SOX6: variants seen among roughly 807,000 people sequenced by gnomAD.
SOX6 encodes SRY-box transcription factor 6, also known as transcription factor SOX-6.
SOX6 carries 11 observed loss-of-function variants against 97.8 expected under a neutral mutation model. The observed-to-expected ratio is 0.11, with a 90% confidence interval of 0.07 to 0.19. The LOEUF is 0.19. Ranked by LOEUF, SOX6 falls within the 10% of genes least tolerant of loss-of-function variation. SOX6 has a pLI of 1.00. For missense variants in SOX6, 810 were observed against 1,039.5 expected (o/e 0.78, Z 3.04); for synonymous variants, 360 against 371.4 (o/e 0.97, Z 0.35).
At chr11:16,128,922 G>A (rs10832550) in intron 6 of SOX6, among the ~76,000 whole-genome samples, 36 of 151,980 alleles carry the variant, frequency 2.4e-4, no homozygotes, top group South Asian at 2.1e-3. Context: ...GTGCAATAGC[G>A]CAATCTCGGC....
At chr11:16,566,440 T>C (rs535751358) in intron 4 of SOX6, among the ~76,000 whole-genome samples, 1 of 152,336 alleles carries the variant, frequency 6.6e-6, no homozygotes, top group East Asian at 1.9e-4. Flanking sequence ...CAATACCATG[T>C]AGTATTGAAA....
chr11:16,424,778 G>A (rs1273501386), intron 1 of SOX6, among the ~76,000 whole-genome samples: 10 of 152,310 alleles, frequency 6.6e-5, no homozygotes, highest in Admixed American at 2.0e-4. Flanking sequence ...CTCTGAACCA[G>A]TAACTCAAGA....
intron 11 of SOX6, among the ~76,000 whole-genome samples, chr11:16,049,534 T>G (rs1484858038): frequency 6.6e-6 from 1 of 152,178 alleles, no homozygotes; most frequent in Admixed American, 6.5e-5. Flanking sequence ...TCGAACTCAT[T>G]ATCATCTAAA....
At chr11:16,534,285 C>A (rs1309116763) in intron 4 of SOX6, among the ~76,000 whole-genome samples, 1 of 152,066 alleles carries the variant, frequency 6.6e-6, no homozygotes, top group Non-Finnish European at 1.5e-5. Flanking sequence ...ACCTTGAAAA[C>A]TTTAAAAACC....
intron 6 of SOX6, among the ~76,000 whole-genome samples, chr11:16,119,175 C>T (rs1452322035): frequency 2.6e-5 from 4 of 152,048 alleles, no homozygotes; most frequent in African/African-American, 9.7e-5. Context: ...AATGAAGTCC[C>T]CAGAAAACTT....
At chr11:16,729,813 T>C (rs1386180588) in intron 2 of SOX6, among the ~76,000 whole-genome samples, 2 of 151,998 alleles carry the variant, frequency 1.3e-5, no homozygotes, top group African/African-American at 4.8e-5. Context: ...CCCACCTGTA[T>C]TCAGGAGACC....
chr11:16,617,201 A>C (rs1382110030), intron 3 of SOX6, among the ~76,000 whole-genome samples: 2 of 151,866 alleles, frequency 1.3e-5, no homozygotes, highest in Non-Finnish European at 3.0e-5. Context: ...GTTTGAACAT[A>C]TTATGTTTAA....
At chr11:16,536,449 G>A (rs12418604) in intron 4 of SOX6, among the ~76,000 whole-genome samples, 28,309 of 152,164 alleles carry the variant, frequency 0.19, 3,062 homozygotes, top group East Asian at 0.37. Context: ...CACTGGGACT[G>A]GTTGGACAGT....
intron 2 of SOX6, among the ~76,000 whole-genome samples, chr11:16,726,531 A>G (rs577465534): frequency 6.6e-6 from 1 of 152,382 alleles, no homozygotes; most frequent in East Asian, 1.9e-4. Context: ...ATTTTACCTC[A>G]GTAAAGCTAT....
intron 13 of SOX6, among the ~76,000 whole-genome samples, chr11:16,012,031 C>CTTTGTTTGTTTGTTTGTTTGCTTT (rs1415093106): frequency 5.5e-4 from 84 of 152,182 alleles, no homozygotes; most frequent in African/African-American, 1.9e-3. Flanking sequence ...CTCTGCTTTG[C>CTTTGTTTGTTTGTTTGTTTGCTTT]TGCCCATCGT....
intron 4 of SOX6, among the ~76,000 whole-genome samples, chr11:16,496,141 C>A (rs1860591395): frequency 6.6e-6 from 1 of 151,812 alleles, no homozygotes; most frequent in East Asian, 1.9e-4. Flanking sequence ...ACCAGATGTG[C>A]AGATATCAAT....
chr11:16,158,784 T>C lies in SOX6; in HGVS notation c.777+25102A>G, dbSNP rs73418928. 6.4e-3 allele frequency among the ~76,000 whole-genome samples: 980 copies of C among 152,104 alleles called. 11 individuals are homozygous for C. The highest frequency in any genetic ancestry group is 0.022 in the African/African-American group (918 of 41,526). On this transcript the variant is annotated intron_variant, in intron 6 of 15. Coordinates refer to ENST00000683767, the MANE Select transcript of SOX6 (RefSeq NM_001367873.1). ...CATTATTATTATGACTACACACTTT[T>C]TCAATTTATATTTGCCAAAGTATTT...
At chr11:16,664,098 A>AAAAAC (rs535135997) in intron 3 of SOX6, among the ~76,000 whole-genome samples, 53 of 152,118 alleles carry the variant, frequency 3.5e-4, no homozygotes, top group African/African-American at 1.3e-3. Flanking sequence ...CCTCATCTCT[A>AAAAAC]AAAACAAAAC....
chr11:16,089,761 T>C (rs1848644536), intron 9 of SOX6, among the ~76,000 whole-genome samples: 1 of 152,050 alleles, frequency 6.6e-6, no homozygotes, highest in African/African-American at 2.4e-5. Context: ...TTAATTAAAA[T>C]ATCGTAAAAA....
intron 4 of SOX6, among the ~76,000 whole-genome samples, chr11:16,503,513 A>C (rs1194801667): frequency 6.6e-6 from 1 of 152,108 alleles, no homozygotes; most frequent in Non-Finnish European, 1.5e-5. Context: ...AATGAATACA[A>C]AATATAGCCC....
At chr11:16,117,711 T>C (rs1849387928) in intron 6 of SOX6, among the ~76,000 whole-genome samples, 1 of 152,146 alleles carries the variant, frequency 6.6e-6, no homozygotes, top group Non-Finnish European at 1.5e-5. Context: ...TGCCAGTGCT[T>C]AGGGCAGATG....
intron 3 of SOX6, among the ~76,000 whole-genome samples, chr11:16,648,870 A>C (rs1299141848): frequency 6.6e-6 from 1 of 152,204 alleles, no homozygotes; most frequent in Non-Finnish European, 1.5e-5. Flanking sequence ...ATATTTAAAA[A>C]ATACAGAATA....
intron 1 of SOX6, among the ~76,000 whole-genome samples, chr11:16,396,196 T>C (rs1344099636): frequency 6.6e-6 from 1 of 151,756 alleles, no homozygotes; most frequent in Non-Finnish European, 1.5e-5. Context: ...AGAGTTAATA[T>C]GAGGATTAAA....
At chr11:16,249,930 A>G (rs1853456421) in intron 3 of SOX6, among the ~76,000 whole-genome samples, 1 of 152,212 alleles carries the variant, frequency 6.6e-6, no homozygotes, top group African/African-American at 2.4e-5. Flanking sequence ...ACTTTTTAAA[A>G]GGCTGTTGTC....
Sources: gnomAD v4.1 joint callset for allele counts (sites outside exome capture counted in the v4.1 genomes callset) on GRCh38, gnomAD v4.1.1 for gene constraint, MANE v1.5 for transcripts, NCBI Gene and HGNC (gene_info 2026-07-23, HGNC 2026-07-21) for gene names.